The following CYFIP1 variants were observed in gnomAD, a reference collection of about 807,000 sequenced individuals.
CYFIP1 encodes the protein cytoplasmic FMR1-interacting protein 1.
A neutral mutation model predicts 163.5 loss-of-function variants in CYFIP1; 58 were observed. The observed-to-expected ratio is 0.35, with a 90% CI of 0.29 to 0.44. CYFIP1 has a LOEUF of 0.44. Ranked by LOEUF, CYFIP1 falls within the 20% of genes least tolerant of loss-of-function variation. The pLI is 1.00. For synonymous variants in CYFIP1, 663 were observed against 660.7 expected (o/e 1.00, Z -0.05); for missense variants, 1,338 against 1,653.8 (o/e 0.81, Z 3.31).
chr15:22,903,939 C>T (rs1300687088), intron 21 of CYFIP1, 34 bp from the exon 22 acceptor site: 4 of 1,602,766 alleles, frequency 2.5e-6, no homozygotes, highest in Admixed American at 3.4e-5. Context: ...GGTGACAGAG[C>T]TGGTCCAGGC....
intron 22 of CYFIP1, among the ~76,000 whole-genome samples, chr15:22,900,378 G>A (rs72698064): frequency 0.14 from 20,942 of 151,008 alleles, 1,871 homozygotes; most frequent in East Asian, 0.35. Flanking sequence ...CTCCAGAACC[G>A]TAAGAGAATA....
intron 5 of CYFIP1, among the ~76,000 whole-genome samples, chr15:22,944,269 C>T (rs1595673263): frequency 7.1e-6 from 1 of 140,056 alleles, no homozygotes; most frequent in Admixed American, 7.0e-5. Context: ...AAAGTACAAA[C>T]TGGCAAAAAG....
intron 18 of CYFIP1, among the ~76,000 whole-genome samples, chr15:22,911,243 C>G (rs2060778703): frequency 1.3e-5 from 2 of 152,162 alleles, no homozygotes; most frequent in African/African-American, 4.8e-5. Flanking sequence ...ACTAAATAAA[C>G]TGCAGTGTGG....
chr15:22,916,919 C>A, intron 15 of CYFIP1: 1 of 1,551,736 alleles, frequency 6.4e-7, no homozygotes, highest in Non-Finnish European at 8.7e-7. Context: ...TGCACGACTG[C>A]CTCAGAAACG....
intron 22 of CYFIP1, among the ~76,000 whole-genome samples, chr15:22,895,814 A>C (rs1414028951): frequency 2.0e-5 from 3 of 152,096 alleles, no homozygotes; most frequent in African/African-American, 7.2e-5. Context: ...TAAAAACTGA[A>C]CACCACAGCC....
chr15:22,925,081 T>C (rs1485178250), intron 13 of CYFIP1, among the ~76,000 whole-genome samples: 3 of 152,200 alleles, frequency 2.0e-5, no homozygotes, highest in African/African-American at 7.2e-5. Flanking sequence ...TGAACATTTT[T>C]GACCCAAGGT....
At position 22,873,640 on chromosome 15, in the gene CYFIP1, G is replaced by A. The variant is rs1481258201; in HGVS notation, c.3300C>T (p.Ile1100=). The change falls in exon 29 of 31, where the codon ATC becomes ATT. Residue 1100 remains isoleucine (I), a synonymous_variant. Transcript: ENST00000617928. The part of the protein sequence containing the change: ...LSMFEVILTR[I]RSFLDDPIWR... ...AGATGGGGTCATCCAGAAAGCTCCG[G>A]ATCCGTGTCAGGATGACCTCAAACA... 2 of 1,614,254 alleles carry A rather than the reference G, an allele frequency of 1.2e-6. No individual in the cohort carries two copies. The highest frequency in any genetic ancestry group is 3.3e-5 in the Admixed American group (2 of 60,032).
Position 22,872,973 on chromosome 15 carries a change from C to G in CYFIP1, c.3450-1G>C. On this transcript the variant is annotated splice_acceptor_variant, in intron 29 of 30. Coordinates refer to ENST00000617928, the MANE Select transcript of CYFIP1 (RefSeq NM_014608.6). LOFTEE classifies it high-confidence loss of function. ...GTGTAGCCCATCACCAAAGCACTGC[C>G]TAGGAACAAGAAGCAGAAACAGAAT... 2 of 1,613,254 alleles carry G rather than the reference C, an allele frequency of 1.2e-6. No homozygotes were observed. Among genetic ancestry groups the G allele is most frequent in the Non-Finnish European group, 1.7e-6 (2 of 1,179,660 alleles).
At chr15:22,974,303 G>C (rs1199295570) in intron 1 of CYFIP1, among the ~76,000 whole-genome samples, 1 of 152,136 alleles carries the variant, frequency 6.6e-6, no homozygotes, top group Non-Finnish European at 1.5e-5. Context: ...GAGCAAGGCC[G>C]GGCCTGGTGG....
At chr15:22,941,028 ACT>A (rs1390510277) in intron 6 of CYFIP1, among the ~76,000 whole-genome samples, 1 of 151,930 alleles carries the variant, frequency 6.6e-6, no homozygotes, top group African/African-American at 2.4e-5. Flanking sequence ...GGCCAGTGAG[ACT>A]CTGTCTCAAA....
At position 22,939,469 on chromosome 15, in the gene CYFIP1, G is replaced by C. The variant is rs1161255325; in HGVS notation, c.608C>G (p.Ser203Cys). ...QFLRKMADPQ[S>C]IQESQNLSMF... is the part of the protein sequence containing the mutation. The stretch of plus-strand genomic sequence containing the variant: ...GGACAGATTCTGCGATTCCTGGATG[G>C]ACTGTGGATCTGCCATTTTACGTAA... The change falls in exon 7 of 31, where the codon TCC (serine) becomes TGC (cysteine). Residue 203 changes from serine (S) to cysteine (C), a missense_variant. By Grantham distance (112) the Ser-to-Cys change is moderately radical. Around this residue, in one of 4 missense-constraint regions of CYFIP1, gnomAD observed 186 missense variants for 288.3 expected, o/e 0.65. Transcript: ENST00000617928. The C allele has an allele frequency of 6.2e-7, 1 of 1,609,970 alleles. No individual in the cohort carries two copies. The highest frequency in any genetic ancestry group is 8.5e-7 in the Non-Finnish European group (1 of 1,178,910).
In CYFIP1 at chr15:22,957,997, G is replaced by A. The variant is rs1296436611; in HGVS notation, c.-6-10706C>T. On this transcript the variant is annotated intron_variant, in intron 1 of 30. Transcript: ENST00000617928. The stretch of plus-strand genomic sequence containing the variant: ...GGTTAAACGGCCTGACCGCACGGCT[G>A]CAGCACAGAAACAGGCTGTCATGAC... Among the ~76,000 whole-genome samples the A allele has an allele frequency of 2.0e-5, 3 of 152,288 alleles. No homozygotes were observed. The East Asian group carries it at 5.8e-4, about 29-fold the overall frequency.
chr15:22,893,020 A>G, intron 22 of CYFIP1, 43 bp from the exon 23 acceptor site: 1 of 1,441,876 alleles, frequency 6.9e-7, no homozygotes, highest in African/African-American at 1.4e-5. Flanking sequence ...ACCAAATTTA[A>G]CAATAGTTCT....
At chr15:22,948,578 G>A (rs1000418656) in intron 1 of CYFIP1, among the ~76,000 whole-genome samples, 5 of 152,124 alleles carry the variant, frequency 3.3e-5, no homozygotes, top group South Asian at 2.1e-4. Context: ...CACAAAGAAC[G>A]AGGAACGTAT....
intron 1 of CYFIP1, among the ~76,000 whole-genome samples, chr15:22,978,265 C>T (rs916568288): frequency 6.9e-6 from 1 of 144,612 alleles, no homozygotes. Context: ...GGTGGGAGAA[C>T]CACCTGAACC....
At chr15:22,893,938 C>T (rs919801333) in intron 22 of CYFIP1, among the ~76,000 whole-genome samples, 7 of 152,208 alleles carry the variant, frequency 4.6e-5, no homozygotes, top group African/African-American at 1.7e-4. Flanking sequence ...TGTGTCCCTG[C>T]GCCTGTGTTC....
intron 1 of CYFIP1, among the ~76,000 whole-genome samples, chr15:22,958,155 G>A (rs1050569134): frequency 9.4e-5 from 14 of 149,230 alleles, no homozygotes; most frequent in South Asian, 2.1e-4. Context: ...GCGCAATCTC[G>A]GCTCACTGCA....
intron 12 of CYFIP1, 77 bp from the exon 13 acceptor site, chr15:22,926,184 T>G: frequency 6.3e-7 from 1 of 1,592,344 alleles, no homozygotes; most frequent in African/African-American, 1.3e-5. Context: ...CACACGATGG[T>G]GGCCAAAGCC....
At chr15:22,962,988 T>C (rs1567037277) in intron 1 of CYFIP1, among the ~76,000 whole-genome samples, 1 of 152,144 alleles carries the variant, frequency 6.6e-6, no homozygotes, top group Non-Finnish European at 1.5e-5. Context: ...CATGAATACC[T>C]GGGCAACACA....
Sources: allele counts gnomAD v4.1 joint callset (sites outside exome capture counted in the v4.1 genomes callset), GRCh38; gene constraint gnomAD v4.1.1; regional missense constraint gnomAD v4.1.1; transcripts MANE v1.5; gene names NCBI Gene and HGNC (gene_info 2026-07-23, HGNC 2026-07-21).